PCMT1: variants seen among roughly 807,000 people sequenced by gnomAD.
PCMT1 encodes the protein protein-L-isoaspartate(D-aspartate) O-methyltransferase.
A neutral mutation model predicts 29.2 loss-of-function variants in PCMT1; 9 were observed. The observed-to-expected ratio is 0.31, with a 90% CI of 0.19 to 0.54. PCMT1 has a LOEUF of 0.54. Among genes scored for constraint, PCMT1 ranks in the 20% least tolerant of loss-of-function variants. The probability of loss-of-function intolerance (pLI) is 0.95; values close to 1 mark genes in which losing one functional copy is unlikely to be tolerated. For synonymous variants in PCMT1, 98 were observed against 97.5 expected, an observed-to-expected ratio of 1.00 and a Z score of -0.03; for missense variants, 184 against 282.2, an observed-to-expected ratio of 0.65 and a Z score of 2.49.
Position 149,749,943 on chromosome 6 carries a change from C to T in PCMT1, c.42C>T (p.Ile14=), listed in dbSNP as rs531414575. 3 of 1,610,772 alleles carry T rather than the reference C, an allele frequency of 1.9e-6. No homozygotes were observed. The highest frequency in any genetic ancestry group is 3.4e-5 in the Admixed American group (2 of 59,660). ...GCGGCGCCAGCCACTCGGAGCTAAT[C>T]CACAATCTCCGCAGTAAGTGCCACC... ...KSGGASHSEL[I]HNLRKNGIIK... is the part of the protein sequence containing the mutation. Residue 14 remains isoleucine, a synonymous_variant, in exon 1 of 8, where the codon ATC becomes ATT. Transcript: ENST00000464889.
Position 149,768,444 on chromosome 6 carries a change from A to ATT in PCMT1, c.56-2694_56-2693dup, listed in dbSNP as rs548328646. On this transcript the variant is annotated intron_variant, in intron 1 of 7. Transcript: ENST00000464889. ...AGGTGATTTGATCTTTTAGTCTTGA[A>ATT]TTTTTTTTTTTTTTTTTTTTTTTTT... 5.9e-3 allele frequency among the ~76,000 whole-genome samples: 449 copies of ATT among 75,820 alleles called. 1 individual carries two copies. Among genetic ancestry groups the ATT allele is most frequent in the Non-Finnish European group, 7.6e-3 (344 of 45,024 alleles). 49.7% of individuals were successfully genotyped at this position (75,820 alleles called of 152,430 possible). A position where few individuals can be genotyped will look rare whatever the true frequency, so the allele number is the denominator to read the frequency against.
intron 1 of PCMT1, among the ~76,000 whole-genome samples, chr6:149,765,114 C>T (rs1250576570): frequency 6.6e-6 from 1 of 150,930 alleles, no homozygotes; most frequent in Non-Finnish European, 1.5e-5. Context: ...AATCCTAGCA[C>T]TTTGGGAGGC....
chr6:149,767,479 G>T (rs1787138326), intron 1 of PCMT1, among the ~76,000 whole-genome samples: 1 of 151,936 alleles, frequency 6.6e-6, no homozygotes, highest in South Asian at 2.1e-4. Flanking sequence ...TTGAGACAGG[G>T]TTTCACTCTG....
chr6:149,793,050 C>A (rs1348417563), intron 4 of PCMT1, among the ~76,000 whole-genome samples: 1 of 151,820 alleles, frequency 6.6e-6, no homozygotes, highest in Non-Finnish European at 1.5e-5. Context: ...GTAGTCCCAG[C>A]TACTCAGGAG....
At chr6:149,803,923 A>G (rs760714764) in intron 7 of PCMT1, among the ~76,000 whole-genome samples, 2 of 151,748 alleles carry the variant, frequency 1.3e-5, no homozygotes, top group Non-Finnish European at 2.9e-5. Context: ...TCTACTAAAA[A>G]CACAAAAATT....
At chr6:149,783,234 G>A (rs543422375) in intron 3 of PCMT1, among the ~76,000 whole-genome samples, 2 of 152,098 alleles carry the variant, frequency 1.3e-5, no homozygotes, top group Admixed American at 6.6e-5. Context: ...CTGGGTTAAA[G>A]CAATTCTTCT....
intron 1 of PCMT1, among the ~76,000 whole-genome samples, chr6:149,761,789 T>C (rs1235442761): frequency 6.6e-6 from 1 of 152,212 alleles, no homozygotes; most frequent in Non-Finnish European, 1.5e-5. Context: ...TTCTTTTACA[T>C]TGTCAAAGTT....
chr6:149,774,101 C>T (rs926340453), intron 3 of PCMT1, among the ~76,000 whole-genome samples: 2 of 151,878 alleles, frequency 1.3e-5, no homozygotes, highest in Admixed American at 1.3e-4. Context: ...GCAGTCCTCC[C>T]ACCTCAGCCT....
intron 1 of PCMT1, among the ~76,000 whole-genome samples, chr6:149,763,079 T>A (rs1166088302): frequency 1.5e-5 from 1 of 65,406 alleles, no homozygotes; most frequent in Non-Finnish European, 2.2e-5. Context: ...CTATGATATG[T>A]ATATCTATGA....
chr6:149,778,991 G>T (rs1160409363), intron 3 of PCMT1, among the ~76,000 whole-genome samples: 2 of 152,120 alleles, frequency 1.3e-5, no homozygotes, highest in East Asian at 3.9e-4. Flanking sequence ...TAAGTATAAT[G>T]GTAGAAAAAT....
intron 1 of PCMT1, chr6:149,750,185 T>G: frequency 3.2e-6 from 2 of 618,486 alleles, no homozygotes; most frequent in East Asian, 2.9e-5. Flanking sequence ...CAGGGGCCGC[T>G]GCTGGTGGGG....
At chr6:149,762,438 A>G (rs1037279244) in intron 1 of PCMT1, among the ~76,000 whole-genome samples, 1 of 150,518 alleles carries the variant, frequency 6.6e-6, no homozygotes, top group Middle Eastern at 3.4e-3. Flanking sequence ...TGTACATGCA[A>G]AGTAAAACAT....
intron 7 of PCMT1, among the ~76,000 whole-genome samples, chr6:149,805,673 C>A (rs532975018): frequency 1.8e-4 from 28 of 151,960 alleles, no homozygotes; most frequent in Non-Finnish European, 3.7e-4. Flanking sequence ...CACAGTGGCT[C>A]ACGCCTGTAA....
chr6:149,759,122 G>A (rs1472032078), intron 1 of PCMT1, among the ~76,000 whole-genome samples: 2 of 151,872 alleles, frequency 1.3e-5, no homozygotes, highest in African/African-American at 2.4e-5. Flanking sequence ...TGATCTGCCC[G>A]GCTCGGCCTC....
Position 149,793,626 on chromosome 6 carries a change from G to A in PCMT1, c.375G>A (p.Lys125=). ...ATGACTCAGTAAATAATGTCAGGAA[G>A]GACGATCCAACACTTCTGTCTTCAG... ...LVDDSVNNVR[K]DDPTLLSSGR... is the part of the protein sequence containing the mutation. Residue 125 remains lysine, a synonymous_variant, in exon 5 of 8, where the codon AAG becomes AAA. Transcript: ENST00000464889. 6.4e-7 allele frequency: 1 copy of A among 1,568,190 alleles called. No individual in the cohort carries two copies. Among genetic ancestry groups the A allele is most frequent in the Non-Finnish European group, 8.6e-7 (1 of 1,165,876 alleles).
chr6:149,768,444 A>ATTTTTTT (rs548328646), intron 1 of PCMT1, among the ~76,000 whole-genome samples: 3 of 75,854 alleles, frequency 4.0e-5, no homozygotes, highest in South Asian at 5.0e-4. Flanking sequence ...TTAGTCTTGA[A>ATTTTTTT]TTTTTTTTTT....
intron 1 of PCMT1, chr6:149,750,175 C>T (rs1786245943): frequency 3.1e-6 from 2 of 649,040 alleles, no homozygotes; most frequent in Admixed American, 3.1e-5. Flanking sequence ...GAGAAAGAGC[C>T]AGGGGCCGCT....
intron 1 of PCMT1, among the ~76,000 whole-genome samples, chr6:149,769,305 A>ATTTTTTTT (rs1234622188): frequency 2.3e-3 from 111 of 47,966 alleles, no homozygotes; most frequent in East Asian, 0.011. Context: ...TTTGTGCAGG[A>ATTTTTTTT]TTCTTTTTTT....
At chr6:149,804,412 A>G (rs924947644) in intron 7 of PCMT1, among the ~76,000 whole-genome samples, 4 of 152,148 alleles carry the variant, frequency 2.6e-5, no homozygotes, top group Non-Finnish European at 5.9e-5. Flanking sequence ...TTTTGTTTTT[A>G]TGACTAGAGG....
Sources: allele counts gnomAD v4.1 joint callset (sites outside exome capture counted in the v4.1 genomes callset), GRCh38; gene constraint gnomAD v4.1.1; transcripts MANE v1.5; gene names NCBI Gene and HGNC (gene_info 2026-07-23, HGNC 2026-07-21).